The following C17orf67 variants were observed in gnomAD, a reference collection of about 807,000 sequenced individuals.
The protein encoded by C17orf67 is uncharacterized protein C17orf67.
C17orf67 carries 12 observed loss-of-function variants against 11.2 expected under a neutral mutation model. The ratio of observed to expected loss-of-function variants is 1.07; its 90% CI spans 0.68 to 1.73. The LOEUF (loss-of-function observed/expected upper bound fraction) is 1.73, where lower values mean the gene tolerates loss of function less well. Ranked by LOEUF, C17orf67 falls within the 40% of genes most tolerant of loss-of-function variation. C17orf67 has a pLI of 0.00. For missense variants in C17orf67, 115 were observed against 113.5 expected, an observed-to-expected ratio of 1.01 and a Z score of -0.06; for synonymous variants, 59 against 46.9, an observed-to-expected ratio of 1.26 and a Z score of -1.05.
chr17:56,827,153 A>G (rs370653227), intron 2 of C17orf67, among the ~76,000 whole-genome samples: 1 of 152,210 alleles, frequency 6.6e-6, no homozygotes, highest in South Asian at 2.1e-4. Context: ...AACATTCAAA[A>G]CTGTGCCAGC....
intron 6 of C17orf67, among the ~76,000 whole-genome samples, chr17:56,801,303 G>A (rs972554173): frequency 6.6e-6 from 1 of 152,158 alleles, no homozygotes; most frequent in African/African-American, 2.4e-5. Flanking sequence ...TGATTAAATT[G>A]TTTTTGGCAT....
rs538246784 is a variant in C17orf67, at chr17:56,815,068, T to G, written c.56-99A>C. The stretch of plus-strand genomic sequence containing the variant: ...AAAAGATTTGCAAGTTCAATTTTGG[T>G]TAAAACATGAAAGTTCTTTCCCGGG... On this transcript the variant is annotated intron_variant, in intron 5 of 7. Transcript: ENST00000397861. 1.1e-5 allele frequency: 11 copies of G among 1,037,998 alleles called. No individual in the cohort carries two copies. The African/African-American group carries it at 1.7e-4, about 16-fold the overall frequency. 64.3% of individuals were successfully genotyped at this position (1,037,998 alleles called of 1,614,324 possible). A position where few individuals can be genotyped will look rare whatever the true frequency, so the allele number is the denominator to read the frequency against.
At chr17:56,832,153 G>A (rs1906222899) in intron 2 of C17orf67, among the ~76,000 whole-genome samples, 1 of 152,044 alleles carries the variant, frequency 6.6e-6, no homozygotes, top group South Asian at 2.1e-4. Flanking sequence ...TCACCATCTT[G>A]ACCAGGCTGA....
chr17:56,820,062 G>T (rs1053649101), intron 4 of C17orf67, among the ~76,000 whole-genome samples: 1 of 152,134 alleles, frequency 6.6e-6, no homozygotes, highest in Non-Finnish European at 1.5e-5. Context: ...CTAGGAAAGC[G>T]GTACAGTAAG....
At chr17:56,805,049 G>C (rs1482719069) in intron 6 of C17orf67, among the ~76,000 whole-genome samples, 5 of 152,184 alleles carry the variant, frequency 3.3e-5, no homozygotes, top group Admixed American at 2.6e-4. Flanking sequence ...GGTGCTTGGT[G>C]GTGGGGACCC....
chr17:56,828,644 T>C (rs1293979845), intron 2 of C17orf67, among the ~76,000 whole-genome samples: 1 of 152,136 alleles, frequency 6.6e-6, no homozygotes, highest in African/African-American at 2.4e-5. Context: ...CAGGTTAACA[T>C]ATTGAAGATT....
rs766096754 is a variant in C17orf67 at position 56,795,146 on chromosome 17, C to T, written c.191G>A (p.Arg64His). The change falls in exon 7 of 8, where the codon CGC (arginine) becomes CAC (histidine). Residue 64 changes from arginine to histidine, a missense_variant. Physicochemically the swap from Arg to His is conservative, Grantham distance 29. Coordinates refer to ENST00000397861, the MANE Select transcript of C17orf67 (RefSeq NM_001085430.4). ...GTGCTCCAGGAACTGCTCCTCAGCG[C>T]GATGCTCCAGGGCGAGCAGGTGGTG... ...YMHHLLALEH[R>H]AEEQFLEHWL... The T allele has an allele frequency of 5.1e-5, 83 of 1,614,010 alleles. No individual in the cohort carries two copies. Among genetic ancestry groups the T allele is most frequent in the Middle Eastern group, 1.6e-4 (1 of 6,084 alleles).
At chr17:56,810,042 A>T (rs1157487676) in intron 6 of C17orf67, among the ~76,000 whole-genome samples, 1 of 128,494 alleles carries the variant, frequency 7.8e-6, no homozygotes, top group Non-Finnish European at 1.6e-5. Context: ...TGCATCCCTC[A>T]CACACACCCC....
chr17:56,829,567 G>A (rs1359795017), intron 2 of C17orf67, among the ~76,000 whole-genome samples: 5 of 152,178 alleles, frequency 3.3e-5, no homozygotes, highest in East Asian at 1.9e-4. Flanking sequence ...CAGGCCTCCA[G>A]AGCTGCCAGG....
intron 6 of C17orf67, 105 bp downstream of exon 6, chr17:56,814,764 C>T (rs1017498475): frequency 2.1e-5 from 23 of 1,093,686 alleles, no homozygotes; most frequent in Admixed American, 5.3e-5. Flanking sequence ...AAACTCTAAC[C>T]AAACCCCTAA....
chr17:56,809,437 C>A, intron 6 of C17orf67, among the ~76,000 whole-genome samples: 1 of 151,916 alleles, frequency 6.6e-6, no homozygotes, highest in East Asian at 1.9e-4. Flanking sequence ...GAAGAGGGGG[C>A]TGGAACTCAG....
chr17:56,802,885 G>A (rs1302069473), intron 6 of C17orf67, among the ~76,000 whole-genome samples: 1 of 152,206 alleles, frequency 6.6e-6, no homozygotes, highest in East Asian at 1.9e-4. Context: ...ATAATACTCA[G>A]ACATTATTTG....
chr17:56,804,387 T>G (rs1340089738), intron 6 of C17orf67: 1 of 152,196 alleles, frequency 6.6e-6, no homozygotes, highest in African/African-American at 2.4e-5. Context: ...AAAATTATTT[T>G]GCTCATTAGT....
chr17:56,814,974 A>G lies in C17orf67; in HGVS notation c.56-5T>C. The G allele has an allele frequency of 6.2e-7, 1 of 1,613,240 alleles. No individual in the cohort carries two copies. Among genetic ancestry groups the G allele is most frequent in the East Asian group, 2.2e-5 (1 of 44,864 alleles). Reference sequence around the variant, plus strand: ...CTGTCAAAATCGGGGAGGTCTCTGGAAAAGTCGGGAAGGTGCCTTAAGGAC... The same window carrying G: ...CTGTCAAAATCGGGGAGGTCTCTGGGAAAGTCGGGAAGGTGCCTTAAGGAC... On this transcript the variant is annotated splice_polypyrimidine_tract_variant and splice_region_variant and intron_variant, in intron 5 of 7. Transcript: ENST00000397861.
chr17:56,801,320 A>G (rs1049372083), intron 6 of C17orf67, among the ~76,000 whole-genome samples: 1 of 152,216 alleles, frequency 6.6e-6, no homozygotes, highest in Non-Finnish European at 1.5e-5. Context: ...GCATGTATCA[A>G]TATCATAAAA....
intron 4 of C17orf67, among the ~76,000 whole-genome samples, chr17:56,821,058 C>CA (rs1905892983): frequency 6.6e-6 from 1 of 152,084 alleles, no homozygotes. Context: ...CACAGGCGTG[C>CA]ACTACCATGC....
Position 56,833,748 on chromosome 17 carries a change from C to T in C17orf67, c.-1132G>A, listed in dbSNP as rs944749846. On this transcript the variant is annotated 5_prime_UTR_variant, in exon 1 of 8. In the 5' UTR this introduces an upstream ATG that the reference lacks. Transcript: ENST00000397861. ...AGAGGTTCGGCTCAAGTCGGGGGCA[C>T]TCGTGTCTGCGCCGAGCGGCGGGCG... The T allele has an allele frequency of 2.6e-5, 4 of 151,948 alleles. No homozygotes were observed. Among genetic ancestry groups the T allele is most frequent in the Non-Finnish European group, 5.9e-5 (4 of 67,952 alleles). 9.4% of individuals were successfully genotyped at this position (151,948 alleles called of 1,614,324 possible).
At chr17:56,808,520 G>T (rs1407236545) in intron 6 of C17orf67, among the ~76,000 whole-genome samples, 13 of 151,906 alleles carry the variant, frequency 8.6e-5, no homozygotes. Flanking sequence ...ATCCCCTCTG[G>T]GCCTTGCCTT....
intron 7 of C17orf67, 23 bp downstream of exon 7, chr17:56,795,021 C>A (rs770120192): frequency 6.5e-7 from 1 of 1,533,776 alleles, no homozygotes; most frequent in Non-Finnish European, 9.0e-7. Context: ...AGACAGAGGT[C>A]CGGGAGAGAG....
Sources: gnomAD v4.1 joint callset for allele counts (sites outside exome capture counted in the v4.1 genomes callset) on GRCh38, gnomAD v4.1.1 for gene constraint, MANE v1.5 for transcripts, NCBI Gene and HGNC (gene_info 2026-07-23, HGNC 2026-07-21) for gene names.